TEX14: variants seen among roughly 807,000 people sequenced by gnomAD.
TEX14 encodes testis expressed 14, intercellular bridge forming factor.
TEX14 carries 168 observed loss-of-function variants against 178.6 expected under a neutral mutation model. The ratio of observed to expected loss-of-function variants is 0.94; its 90% CI spans 0.83 to 1.07. The LOEUF is 1.07. TEX14 is among the 50% of genes least tolerant of loss of function. TEX14 has a pLI of 0.00. For synonymous variants in TEX14, 626 were observed against 634.1 expected (o/e 0.99, Z 0.19); for missense variants, 1,730 against 1,753.6 (o/e 0.99, Z 0.24).
intron 1 of TEX14, among the ~76,000 whole-genome samples, chr17:58,654,133 G>A (rs2143280449): frequency 6.6e-6 from 1 of 152,208 alleles, no homozygotes; most frequent in African/African-American, 2.4e-5. Context: ...AGCTGAGATT[G>A]CACCACTGCA....
At chr17:58,644,167 T>C (rs1437026556) in intron 2 of TEX14, among the ~76,000 whole-genome samples, 4 of 152,098 alleles carry the variant, frequency 2.6e-5, no homozygotes, top group Non-Finnish European at 4.4e-5. Context: ...TAATCAATCA[T>C]GCCTACATAA....
At chr17:58,653,533 C>A (rs1361247445) in intron 1 of TEX14, among the ~76,000 whole-genome samples, 1 of 152,134 alleles carries the variant, frequency 6.6e-6, no homozygotes. Flanking sequence ...GCACCACTCT[C>A]ATGAATGGAT....
intron 2 of TEX14, among the ~76,000 whole-genome samples, chr17:58,633,842 C>T (rs942282177): frequency 6.6e-6 from 1 of 152,034 alleles, no homozygotes; most frequent in Admixed American, 6.6e-5. Context: ...GTGGCACACG[C>T]CTGTAGTCCC....
At chr17:58,661,244 T>C in intron 1 of TEX14, 1 of 794,842 alleles carries the variant, frequency 1.3e-6, no homozygotes, top group Non-Finnish European at 2.3e-6. Context: ...ACGATAGTAA[T>C]GGCACTGAGT....
At chr17:58,575,500 A>G (rs979372455) in intron 21 of TEX14, among the ~76,000 whole-genome samples, 1 of 152,194 alleles carries the variant, frequency 6.6e-6, no homozygotes, top group South Asian at 2.1e-4. Context: ...TTGTGACTTT[A>G]TTAATTCTGT....
chr17:58,674,515 C>T (rs1053975866), intron 1 of TEX14, among the ~76,000 whole-genome samples: 4 of 151,428 alleles, frequency 2.6e-5, no homozygotes, highest in African/African-American at 9.7e-5. Context: ...ACTAAAAATA[C>T]AAAAATTAGC....
intron 10 of TEX14, among the ~76,000 whole-genome samples, chr17:58,606,793 C>T (rs919204559): frequency 1.3e-5 from 2 of 150,952 alleles, no homozygotes; most frequent in African/African-American, 2.4e-5. Context: ...TTTAGGAGGC[C>T]GAGGCGGGTG....
intron 1 of TEX14, among the ~76,000 whole-genome samples, chr17:58,682,290 C>T (rs907998495): frequency 3.4e-5 from 5 of 148,076 alleles, no homozygotes; most frequent in African/African-American, 5.0e-5. Context: ...CAGAGTCTTA[C>T]TCTGTCGTCC....
intron 14 of TEX14, among the ~76,000 whole-genome samples, chr17:58,594,251 T>TC (rs1373817089): frequency 6.6e-6 from 1 of 151,864 alleles, no homozygotes; most frequent in Non-Finnish European, 1.5e-5. Context: ...CTGAGCATTT[T>TC]CCCCCTCCTA....
At chr17:58,654,001 AC>A (rs1351116575) in intron 1 of TEX14, among the ~76,000 whole-genome samples, 2 of 151,902 alleles carry the variant, frequency 1.3e-5, no homozygotes, top group African/African-American at 4.8e-5. Context: ...GAATAGTGAA[AC>A]CCCATCTTTA....
At chr17:58,597,474 C>T (rs2045316695) in intron 14 of TEX14, among the ~76,000 whole-genome samples, 1 of 151,910 alleles carries the variant, frequency 6.6e-6, no homozygotes, top group Non-Finnish European at 1.5e-5. Flanking sequence ...GTAACAAAAC[C>T]CAGTAAAAGT....
At chr17:58,680,061 G>A (rs1053768991) in intron 1 of TEX14, among the ~76,000 whole-genome samples, 1 of 150,364 alleles carries the variant, frequency 6.7e-6, no homozygotes, top group East Asian at 1.9e-4. Flanking sequence ...CACTAATGAT[G>A]CCACTATGGT....
At chr17:58,601,527 A>G (rs1265332208) in intron 13 of TEX14, among the ~76,000 whole-genome samples, 3 of 151,588 alleles carry the variant, frequency 2.0e-5, no homozygotes, top group African/African-American at 7.3e-5. Flanking sequence ...ATCTCAAAAA[A>G]AAAAAAAAAG....
At position 58,569,219 on chromosome 17, in the gene TEX14, G is replaced by T. The variant is rs916961261; in HGVS notation, c.3859C>A (p.Pro1287Thr). Residue 1287 changes from proline (P) to threonine (T), a missense_variant, in exon 26 of 32, where the codon CCA becomes ACA. Coordinates refer to ENST00000349033, the MANE Select transcript of TEX14 (RefSeq NM_031272.5). This position sits in a 1 kb window ranked among gnomAD's most constrained non-coding sequence, Gnocchi z 4.1. Reference sequence around the variant, plus strand: ...ATGTCATCAAGTAGCTCCTGAGATGGTGGTGGCAGCTCATCAATGTGATGC... The same window carrying T: ...ATGTCATCAAGTAGCTCCTGAGATGTTGGTGGCAGCTCATCAATGTGATGC... ...SQHHIDELPP[P>T]SQELLDDIEL... 3 of 1,613,812 alleles carry T rather than the reference G, an allele frequency of 1.9e-6. No homozygotes were observed. Among genetic ancestry groups the T allele is most frequent in the Non-Finnish European group, 1.7e-6 (2 of 1,179,818 alleles).
intron 1 of TEX14, among the ~76,000 whole-genome samples, chr17:58,675,957 G>C (rs1241769856): frequency 6.6e-6 from 1 of 152,052 alleles, no homozygotes; most frequent in Non-Finnish European, 1.5e-5. Flanking sequence ...AACTACTATG[G>C]GCCAGGTGCC....
At chr17:58,648,685 C>T (rs1461304641) in intron 2 of TEX14, among the ~76,000 whole-genome samples, 2 of 152,160 alleles carry the variant, frequency 1.3e-5, no homozygotes, top group Non-Finnish European at 2.9e-5. Flanking sequence ...CCTGCAAGCA[C>T]CACAGTTCTC....
intron 21 of TEX14, among the ~76,000 whole-genome samples, chr17:58,576,464 C>T (rs1270675304): frequency 2.0e-5 from 3 of 152,194 alleles, no homozygotes; most frequent in African/African-American, 4.8e-5. Context: ...GCTGAGATCA[C>T]GCCACTGCAG....
At chr17:58,669,016 G>C (rs1195326778) in intron 1 of TEX14, among the ~76,000 whole-genome samples, 2 of 152,130 alleles carry the variant, frequency 1.3e-5, no homozygotes, top group Non-Finnish European at 2.9e-5. Context: ...TATCAACACT[G>C]TATGAATGGA....
At chr17:58,679,432 A>G (rs1048592492) in intron 1 of TEX14, 1 of 140,146 alleles carries the variant, frequency 7.1e-6, no homozygotes, top group Admixed American at 7.1e-5. Context: ...GAAGGCATCA[A>G]TCTCTCGCTA....
Sources: gnomAD v4.1 joint callset for allele counts (sites outside exome capture counted in the v4.1 genomes callset) on GRCh38, gnomAD v4.1.1 for gene constraint, Gnocchi (gnomAD v3.1) non-coding constraint, MANE v1.5 for transcripts, NCBI Gene and HGNC (gene_info 2026-07-23, HGNC 2026-07-21) for gene names.